SOX5: variants seen among roughly 807,000 people sequenced by gnomAD.
The protein encoded by SOX5 is SRY-box transcription factor 5, also known as transcription factor SOX-5.
Under a neutral mutation model 92.0 loss-of-function variants are expected in SOX5, and 9 were observed. The observed-to-expected ratio is 0.10, with a 90% CI of 0.06 to 0.17. The LOEUF (loss-of-function observed/expected upper bound fraction) is 0.17. SOX5 is among the 10% of genes least tolerant of loss of function. SOX5 has a pLI of 1.00. For synonymous variants in SOX5, 344 were observed against 336.3 expected (o/e 1.02, Z -0.25); for missense variants, 642 against 944.5 (o/e 0.68, Z 4.20).
chr12:23,709,307 G>A (rs924531113), intron 6 of SOX5, among the ~76,000 whole-genome samples: 82 of 152,032 alleles, frequency 5.4e-4, no homozygotes, highest in African/African-American at 1.9e-3. Flanking sequence ...ATCTCCCTGT[G>A]CTGCCCAGAC....
chr12:24,085,167 C>A (rs1373753779), intron 4 of SOX5, among the ~76,000 whole-genome samples: 2 of 152,150 alleles, frequency 1.3e-5, no homozygotes, highest in Non-Finnish European at 2.9e-5. Context: ...TTTGCCTGAC[C>A]TTGCCCAGCA....
At chr12:24,360,937 T>C (rs1955483193) in intron 2 of SOX5, among the ~76,000 whole-genome samples, 1 of 152,190 alleles carries the variant, frequency 6.6e-6, no homozygotes, top group Admixed American at 6.5e-5. Flanking sequence ...TACATATTCA[T>C]AGAGGGCACT....
chr12:24,122,493 A>C (rs1333137661), intron 4 of SOX5, among the ~76,000 whole-genome samples: 1 of 152,224 alleles, frequency 6.6e-6, no homozygotes, highest in Non-Finnish European at 1.5e-5. Flanking sequence ...AGATTAAAAC[A>C]TGCTATCACC....
At position 24,312,224 on chromosome 12, in the gene SOX5, T is replaced by G. The variant is rs982323445; in HGVS notation, c.-173-34912A>C. ...TTCTGAGCTTTCTGCAGTTTTAATC[T>G]AAACTTTTTTTGTATTTAAGCTTTG... is the stretch of plus-strand genomic sequence containing the variant. On this transcript the variant is annotated intron_variant, in intron 2 of 4. Coordinates refer to the SOX5 transcript ENST00000446891. 4.6e-4 allele frequency among the ~76,000 whole-genome samples: 70 copies of G among 152,342 alleles called. 1 individual carries two copies. The highest frequency in any genetic ancestry group is 1.6e-3 in the African/African-American group (66 of 41,576).
chr12:24,280,193 G>T (rs1049864547), intron 2 of SOX5, among the ~76,000 whole-genome samples: 4 of 152,150 alleles, frequency 2.6e-5, no homozygotes, highest in East Asian at 3.9e-4. Flanking sequence ...CCAGTAAAAG[G>T]TTACTCAGTC....
At chr12:24,208,470 C>G (rs762324484) in intron 4 of SOX5, among the ~76,000 whole-genome samples, 27 of 152,198 alleles carry the variant, frequency 1.8e-4, no homozygotes, top group Non-Finnish European at 4.0e-4. Flanking sequence ...CCAAGAGGAA[C>G]ATAAGACACC....
At chr12:23,812,892 A>C (rs1250234431) in intron 3 of SOX5, among the ~76,000 whole-genome samples, 1 of 152,208 alleles carries the variant, frequency 6.6e-6, no homozygotes, top group Non-Finnish European at 1.5e-5. Context: ...TAAAAAGACA[A>C]GTCCGACAGT....
At chr12:23,993,456 CAAGTCAATGCTGT>C (rs2136283549) in intron 4 of SOX5, among the ~76,000 whole-genome samples, 2 of 152,214 alleles carry the variant, frequency 1.3e-5, no homozygotes, top group South Asian at 4.1e-4. Flanking sequence ...AGCAGCAAAG[CAAGTCAATGCTGT>C]AAAAGGAGAT....
chr12:23,617,778 C>G (rs1223661514), intron 8 of SOX5, among the ~76,000 whole-genome samples: 1 of 148,626 alleles, frequency 6.7e-6, no homozygotes, highest in East Asian at 2.0e-4. Flanking sequence ...AAATCTTAAA[C>G]AGCTAGAAAA....
chr12:23,696,563 CT>C lies in SOX5; in HGVS notation c.811-31000del, dbSNP rs201793918. Among the ~76,000 whole-genome samples the C allele has an allele frequency of 8.4e-3, 1,276 of 152,204 alleles. 19 individuals carry two copies. Among genetic ancestry groups the C allele is most frequent in the African/African-American group, 0.029 (1,218 of 41,534 alleles). On this transcript the variant is annotated intron_variant, in intron 6 of 14. Transcript: ENST00000451604. ...GATTTTATTAATACCAGAGAATAAA[CT>C]TTTCAATACACTTTTTTCTCTTATT...
intron 2 of SOX5, among the ~76,000 whole-genome samples, chr12:24,365,558 G>A (rs1444517965): frequency 1.7e-4 from 26 of 151,266 alleles, no homozygotes; most frequent in Admixed American, 1.7e-3. Flanking sequence ...AAGAAAATAA[G>A]TGACTTCATC....
At position 24,201,535 on chromosome 12, in the gene SOX5, A is replaced by G. The variant is rs551090344; in HGVS notation, c.-2+11808T>C. On this transcript the variant is annotated intron_variant, in intron 4 of 4. Coordinates refer to the SOX5 transcript ENST00000446891. The stretch of plus-strand genomic sequence containing the variant: ...TTTCCTCATCTATAAAATATAGTTA[A>G]TGATGTCAATCTCTCTGCTGACATC... Among the ~76,000 whole-genome samples, 227 of 152,348 alleles carry G rather than the reference A, an allele frequency of 1.5e-3. 1 individual carries two copies. Among genetic ancestry groups the G allele is most frequent in the Non-Finnish European group, 2.8e-3 (193 of 68,030 alleles).
At chr12:24,519,841 C>T (rs1293634600) in intron 1 of SOX5, among the ~76,000 whole-genome samples, 1 of 152,062 alleles carries the variant, frequency 6.6e-6, no homozygotes, top group African/African-American at 2.4e-5. Context: ...AGAGCCTCTC[C>T]AAAATGATCA....
chr12:23,535,135 G>A (rs931038875), intron 14 of SOX5, among the ~76,000 whole-genome samples: 3 of 152,210 alleles, frequency 2.0e-5, no homozygotes, highest in Admixed American at 6.5e-5. Context: ...AGATGAAGCA[G>A]AAGAACCCAG....
At chr12:24,074,279 G>A (rs1942192962) in intron 4 of SOX5, among the ~76,000 whole-genome samples, 3 of 151,402 alleles carry the variant, frequency 2.0e-5, no homozygotes, top group Admixed American at 6.6e-5. Context: ...ATTTTCTCTA[G>A]ACCACAAATG....
intron 4 of SOX5, among the ~76,000 whole-genome samples, chr12:24,182,299 C>T (rs1955579003): frequency 6.6e-6 from 1 of 152,112 alleles, no homozygotes; most frequent in Non-Finnish European, 1.5e-5. Flanking sequence ...ATGCTCTAAG[C>T]CAAGGGGGCC....
In SOX5 at chr12:23,674,794, TA is replaced by T. The variant is rs1345726319; in HGVS notation, c.811-9231del. Among the ~76,000 whole-genome samples the T allele has an allele frequency of 5.3e-5, 8 of 151,912 alleles. No homozygotes were observed. In the South Asian group the frequency reaches 1.0e-3, roughly 20 times the overall value. On this transcript the variant is annotated intron_variant, in intron 6 of 14. Transcript: ENST00000451604. ...AAATATTTTTCAAAATTTCTCTATA[TA>T]TACTACTATATATACTACTATGTAA... is the stretch of plus-strand genomic sequence containing the variant.
At chr12:24,341,320 A>T (rs567206947) in intron 2 of SOX5, among the ~76,000 whole-genome samples, 142 of 152,018 alleles carry the variant, frequency 9.3e-4, no homozygotes, top group African/African-American at 3.3e-3. Context: ...CTATAAAAAC[A>T]TTTTAAAATT....
At chr12:23,707,989 G>A (rs1461824999) in intron 6 of SOX5, among the ~76,000 whole-genome samples, 1 of 152,016 alleles carries the variant, frequency 6.6e-6, no homozygotes, top group East Asian at 1.9e-4. Context: ...CTTCTCGTAA[G>A]AGACTCAAAT....
Sources: gnomAD v4.1 joint callset for allele counts (sites outside exome capture counted in the v4.1 genomes callset) on GRCh38, gnomAD v4.1.1 for gene constraint, MANE v1.5 for transcripts, NCBI Gene and HGNC (gene_info 2026-07-23, HGNC 2026-07-21) for gene names.